IARS1: variants seen among roughly 807,000 people sequenced by gnomAD.
IARS1 encodes isoleucine--tRNA ligase, cytoplasmic.
A neutral mutation model predicts 168.2 loss-of-function variants in IARS1; 124 were observed. The observed-to-expected ratio is 0.74, with a 90% confidence interval of 0.64 to 0.86. The LOEUF (loss-of-function observed/expected upper bound fraction) is 0.86, where lower values mean the gene tolerates loss of function less well. Ranked by LOEUF, IARS1 falls within the 40% of genes least tolerant of loss-of-function variation. The probability of loss-of-function intolerance (pLI) is 0.00; values close to 1 mark genes in which losing one functional copy is unlikely to be tolerated. For synonymous variants in IARS1, 532 were observed against 529.4 expected, an observed-to-expected ratio of 1.00 and a Z score of -0.07; for missense variants, 1,452 against 1,515.8, an observed-to-expected ratio of 0.96 and a Z score of 0.70.
chr9:92,274,707 A>G (rs1833555831), intron 9 of IARS1, among the ~76,000 whole-genome samples, 186 bp from the exon 10 acceptor site: 3 of 152,238 alleles, frequency 2.0e-5, no homozygotes, highest in Admixed American at 6.5e-5. Context: ...TCCCATAAAT[A>G]AAAAGTTACC....
chr9:92,286,358 C>A (rs1002357297), intron 5 of IARS1, among the ~76,000 whole-genome samples, 178 bp downstream of exon 5: 1 of 152,126 alleles, frequency 6.6e-6, no homozygotes, highest in Non-Finnish European at 1.5e-5. Flanking sequence ...CTGAGCGAGA[C>A]TCAGTCTCAA....
At position 92,240,730 on chromosome 9, in the gene IARS1, C is replaced by T. The variant is rs1013109094; in HGVS notation, c.3283+126G>A. On this transcript the variant is annotated intron_variant, in intron 30 of 33. Coordinates refer to ENST00000443024, the MANE Select transcript of IARS1 (RefSeq NM_002161.6). ...TTTGATGACAAGAAGAAAAAGTTAT[C>T]TATTAAACATGATTAAATAATTATT... The T allele has an allele frequency of 6.9e-6, 5 of 721,328 alleles. No homozygotes were observed. In the African/African-American group the frequency reaches 8.8e-5, roughly 13 times the overall value. The allele number at this position is 721,328 out of a possible 1,614,324, so 44.7% of individuals were successfully genotyped here.
intron 10 of IARS1, among the ~76,000 whole-genome samples, chr9:92,273,780 C>T (rs1298454397): frequency 1.3e-5 from 2 of 152,230 alleles, no homozygotes; most frequent in African/African-American, 2.4e-5. Flanking sequence ...AACAAAGTCA[C>T]ATTTCCAATC....
chr9:92,250,092 A>G, intron 24 of IARS1, 95 bp downstream of exon 24: 1 of 911,328 alleles, frequency 1.1e-6, no homozygotes, highest in Non-Finnish European at 1.8e-6. Context: ...AAAAGGAAAA[A>G]GGCCATTGGT....
chr9:92,289,603 T>C (rs1353591579), intron 1 of IARS1, among the ~76,000 whole-genome samples, 177 bp from the exon 2 acceptor site: 1 of 152,200 alleles, frequency 6.6e-6, no homozygotes, highest in Non-Finnish European at 1.5e-5. Context: ...CTTTTTAGTA[T>C]ATTTACAAGG....
rs149118084 is a variant in IARS1, at chr9:92,213,037, C to A, written c.3707-2148G>T. 6.6e-5 allele frequency among the ~76,000 whole-genome samples: 10 copies of A among 151,994 alleles called. No individual in the cohort carries two copies. The East Asian group carries it at 1.9e-3, about 29-fold the overall frequency. Reference sequence around the variant, plus strand: ...ACAAAGGAGAGTCACTGAAAATAAACCCAGGGAGGGAAGGAGGAACCCAAG... The same window carrying A: ...ACAAAGGAGAGTCACTGAAAATAAAACCAGGGAGGGAAGGAGGAACCCAAG... On this transcript the variant is annotated intron_variant, in intron 33 of 33. Transcript: ENST00000443024.
intron 33 of IARS1, among the ~76,000 whole-genome samples, chr9:92,213,748 G>T (rs776473773): frequency 2.0e-5 from 3 of 152,138 alleles, no homozygotes; most frequent in Non-Finnish European, 2.9e-5. Flanking sequence ...GCTTTGTTTT[G>T]GAGTAGGGAT....
intron 31 of IARS1, 27 bp downstream of exon 31, chr9:92,228,974 C>CGTA: frequency 6.2e-7 from 1 of 1,613,142 alleles, no homozygotes; most frequent in Non-Finnish European, 8.5e-7. Context: ...AGTCAAAGGA[C>CGTA]GTAGGCTCCT....
chr9:92,286,716 G>C, intron 4 of IARS1, 98 bp from the exon 5 acceptor site: 2 of 666,542 alleles, frequency 3.0e-6, no homozygotes, highest in Non-Finnish European at 5.1e-6. Flanking sequence ...TGAAAATTTT[G>C]GGAAAACAGA....
rs554330274 is a variant in IARS1, at chr9:92,252,243, A to G, written c.2230-358T>C. The G allele has an allele frequency of 2.1e-4, 90 of 435,394 alleles. 1 individual carries two copies. The highest frequency in any genetic ancestry group is 1.7e-3 in the South Asian group (89 of 51,920). The allele number at this position is 435,394 out of a possible 1,614,324, so 27.0% of individuals were successfully genotyped here. ...AGTTGCTAACCAAAAACTTTAAAGT[A>G]CCTTTAAATAAGATTTATGTTAAAA... On this transcript the variant is annotated intron_variant, in intron 21 of 33. Transcript: ENST00000443024.
chr9:92,233,342 C>A (rs1380490169), intron 30 of IARS1, among the ~76,000 whole-genome samples: 1 of 152,196 alleles, frequency 6.6e-6, no homozygotes, highest in Non-Finnish European at 1.5e-5. Context: ...AGATATTTAA[C>A]CATGGCCATT....
At chr9:92,293,373 A>G (rs1191980092) in intron 1 of IARS1, 4 of 435,430 alleles carry the variant, frequency 9.2e-6, no homozygotes, top group East Asian at 6.2e-5. Context: ...CTATACATAA[A>G]GTCACAGCTA....
rs369766805 is a variant in IARS1, at chr9:92,277,866, C to A, written c.891G>T (p.Leu297=). The A allele has an allele frequency of 6.2e-7, 1 of 1,613,372 alleles. No individual in the cohort carries two copies. Among genetic ancestry groups the A allele is most frequent in the African/African-American group, 1.3e-5 (1 of 74,852 alleles). The part of the protein sequence containing the change: ...KKYRPLFDYF[L]KCKENGAFTV... ...CAGTAGCGGTCCCTAAGCTTACCTT[C>A]AGGAAATAGTCAAACAGGGGCCTGT... Residue 297 remains leucine (L), a synonymous_variant, in exon 9 of 34, where the codon CTG becomes CTT. Transcript: ENST00000443024.
intron 12 of IARS1, among the ~76,000 whole-genome samples, 166 bp downstream of exon 12, chr9:92,270,818 CA>C (rs1412573298): frequency 3.3e-5 from 5 of 151,890 alleles, no homozygotes; most frequent in Admixed American, 1.3e-4. Context: ...AAAAAACAAA[CA>C]AAAAACCCAA....
chr9:92,251,692 A>G (rs960197855), intron 22 of IARS1, 116 bp downstream of exon 22: 4 of 702,750 alleles, frequency 5.7e-6, no homozygotes, highest in East Asian at 2.6e-5. Context: ...TAAAACTTCT[A>G]TATCTATTTT....
Position 92,249,940 on chromosome 9 carries a change from T to C in IARS1, c.2534A>G (p.Tyr845Cys), listed in dbSNP as rs1385804076. The C allele has an allele frequency of 3.2e-6, 5 of 1,584,540 alleles. No individual in the cohort carries two copies. The highest frequency in any genetic ancestry group is 2.6e-6 in the Non-Finnish European group (3 of 1,154,988). Residue 845 changes from tyrosine to cysteine, a missense_variant and splice_region_variant, in exon 25 of 34, where the codon TAT (tyrosine) becomes TGT (cysteine). Physicochemically the swap from Tyr to Cys is radical, Grantham distance 194 (BLOSUM62 -2). Coordinates refer to ENST00000443024, the MANE Select transcript of IARS1 (RefSeq NM_002161.6). ...IRDRKTIPIK[Y>C]PLKEIVVIHQ... The stretch of plus-strand genomic sequence containing the variant: ...GATAACCACAATTTCTTTCAAAGGA[T>C]ACTAGGAGGAAAAGGGAGGGGAAAG...
intron 10 of IARS1, among the ~76,000 whole-genome samples, chr9:92,272,766 G>A (rs1160135561): frequency 1.3e-5 from 2 of 151,048 alleles, no homozygotes; most frequent in East Asian, 2.0e-4. Flanking sequence ...CAGGAGAATC[G>A]CTTGAACCTG....
At chr9:92,268,409 G>A in intron 13 of IARS1, 109 bp from the exon 14 acceptor site, 1 of 1,059,194 alleles carries the variant, frequency 9.4e-7, no homozygotes, top group Non-Finnish European at 1.4e-6. Flanking sequence ...CAAACACTCT[G>A]GAAACGTGGC....
At chr9:92,264,744 A>G (rs766667827) in intron 16 of IARS1, among the ~76,000 whole-genome samples, 185 bp downstream of exon 16, 3 of 152,198 alleles carry the variant, frequency 2.0e-5, no homozygotes, top group East Asian at 3.8e-4. Context: ...GTAGTGGGAG[A>G]GTCCTACTCA....
Sources: allele counts gnomAD v4.1 joint callset (sites outside exome capture counted in the v4.1 genomes callset), GRCh38; gene constraint gnomAD v4.1.1; transcripts MANE v1.5; gene names NCBI Gene and HGNC (gene_info 2026-07-23, HGNC 2026-07-21).